ABCB1: variants seen among roughly 807,000 people sequenced by gnomAD.
ABCB1 encodes the protein ATP-dependent translocase ABCB1.
Under a neutral mutation model 142.0 loss-of-function variants are expected in ABCB1, and 69 were observed. The observed-to-expected ratio is 0.49, with a 90% CI of 0.40 to 0.59. The LOEUF (loss-of-function observed/expected upper bound fraction) is 0.59. Among genes scored for constraint, ABCB1 ranks in the 20% least tolerant of loss-of-function variants. The pLI, the probability that ABCB1 is intolerant of heterozygous loss-of-function variation, is 0.00. For synonymous variants in ABCB1, 532 were observed against 539.2 expected (o/e 0.99, Z 0.18); for missense variants, 1,326 against 1,554.7 (o/e 0.85, Z 2.47).
intron 23 of ABCB1, 63 bp downstream of exon 23, chr7:87,519,263 C>T: frequency 6.7e-7 from 1 of 1,494,640 alleles, no homozygotes; most frequent in Non-Finnish European, 9.3e-7. Flanking sequence ...CCTATCTAGA[C>T]ATGAAGCATG....
chr7:87,538,320 C>G (rs1376464032), intron 19 of ABCB1, among the ~76,000 whole-genome samples: 3 of 152,188 alleles, frequency 2.0e-5, no homozygotes, highest in Non-Finnish European at 4.4e-5. Flanking sequence ...TCCCATCAAA[C>G]TGTGCTCTCT....
rs904262724 is a variant in ABCB1 at position 87,628,100 on chromosome 7, C to G, written c.-330-27022G>C. ...GGCAGCCACGCAAATAGGTATCAGC[C>G]GTTAAAGCTTGGCTACAGGCAAGGG... On this transcript the variant is annotated intron_variant, in intron 1 of 28. Transcript: ENST00000265724. Among the ~76,000 whole-genome samples, 4 of 152,198 alleles carry G rather than the reference C, an allele frequency of 2.6e-5. No homozygotes were observed. The East Asian group carries it at 5.8e-4, about 22-fold the overall frequency.
intron 4 of ABCB1, among the ~76,000 whole-genome samples, chr7:87,572,335 A>G (rs1324289630): frequency 6.6e-6 from 1 of 152,186 alleles, no homozygotes; most frequent in Non-Finnish European, 1.5e-5. Flanking sequence ...ATTTAAATAA[A>G]TGTTCTTCAG....
chr7:87,551,244 T>A (rs28746508), intron 9 of ABCB1, among the ~76,000 whole-genome samples: 1 of 152,232 alleles, frequency 6.6e-6, no homozygotes, highest in Non-Finnish European at 1.5e-5. Flanking sequence ...CCTGGTCTCC[T>A]GGCCTCAAGC....
At chr7:87,576,765 T>G in intron 4 of ABCB1, among the ~76,000 whole-genome samples, 1 of 151,978 alleles carries the variant, frequency 6.6e-6, no homozygotes, top group East Asian at 1.9e-4. Context: ...AATTTTAATT[T>G]ATTTTTAATT....
At chr7:87,608,596 T>G (rs764817942) in intron 1 of ABCB1, among the ~76,000 whole-genome samples, 1 of 152,166 alleles carries the variant, frequency 6.6e-6, no homozygotes, top group Non-Finnish European at 1.5e-5. Flanking sequence ...ATTCCTGACA[T>G]AAAAATAACA....
Position 87,516,657 on chromosome 7 carries a change from G to A in ABCB1, c.2936C>T (p.Ser979Leu). The A allele has an allele frequency of 6.2e-7, 1 of 1,604,362 alleles. No individual in the cohort carries two copies. The highest frequency in any genetic ancestry group is 1.7e-5 in the Admixed American group (1 of 59,418). ...MSFEDVLLVF[S>L]AVVFGAMAVG... ...GGCCATGGCACCAAAGACAACAGCTGAAAATACTCTGGAAAGCACAAACAC... is the reference window on the plus strand; with the variant it reads ...GGCCATGGCACCAAAGACAACAGCTAAAAATACTCTGGAAAGCACAAACAC... Residue 979 changes from serine to leucine, a missense_variant, in exon 24 of 28, where the codon TCA becomes TTA. Coordinates refer to ENST00000622132, the MANE Select transcript of ABCB1 (RefSeq NM_001348946.2).
chr7:87,633,248 T>G (rs1341958207), intron 1 of ABCB1, among the ~76,000 whole-genome samples: 2 of 152,248 alleles, frequency 1.3e-5, no homozygotes, highest in Non-Finnish European at 2.9e-5. Flanking sequence ...ATAACTGAAA[T>G]TTATTTAAGC....
chr7:87,702,135 T>A (rs1829116220), intron 1 of ABCB1, among the ~76,000 whole-genome samples: 1 of 84,242 alleles, frequency 1.2e-5, no homozygotes, highest in Non-Finnish European at 1.9e-5. Context: ...AGAGCGAGAC[T>A]CTGTCTCAAA....
chr7:87,581,368 C>A (rs573979601), intron 4 of ABCB1, among the ~76,000 whole-genome samples: 1 of 152,050 alleles, frequency 6.6e-6, no homozygotes, highest in Non-Finnish European at 1.5e-5. Context: ...AAACCACAAT[C>A]GCCTTTATCT....
At chr7:87,566,681 C>T (rs1045540897) in intron 6 of ABCB1, 104 bp downstream of exon 6, 1 of 1,189,136 alleles carries the variant, frequency 8.4e-7, no homozygotes, top group Non-Finnish European at 1.2e-6. Flanking sequence ...TCATAAGTAC[C>T]TTTGAATGAT....
rs376357283 is a variant in ABCB1 at position 87,596,150 on chromosome 7, C to G, written c.69-336G>C. Among the ~76,000 whole-genome samples the G allele has an allele frequency of 7.2e-5, 11 of 151,960 alleles. No homozygotes were observed. In the South Asian group the frequency reaches 2.1e-3, roughly 29 times the overall value. Reference sequence around the variant, plus strand: ...AAAAATATACATACTGAAAAGAGTTCCCTGTTTTTATTCTAATTAGAAAAT... The same window carrying G: ...AAAAATATACATACTGAAAAGAGTTGCCTGTTTTTATTCTAATTAGAAAAT... On this transcript the variant is annotated intron_variant, in intron 2 of 27. Transcript: ENST00000622132.
intron 1 of ABCB1, among the ~76,000 whole-genome samples, chr7:87,622,698 G>A (rs1334417822): frequency 1.3e-5 from 2 of 152,040 alleles, no homozygotes; most frequent in Non-Finnish European, 1.5e-5. Flanking sequence ...CTTATCTGGA[G>A]TTACTTTCTC....
At chr7:87,669,272 C>A (rs1825593944) in intron 1 of ABCB1, among the ~76,000 whole-genome samples, 1 of 151,896 alleles carries the variant, frequency 6.6e-6, no homozygotes, top group African/African-American at 2.4e-5. Flanking sequence ...TTTGAAATCT[C>A]TTTTGTCTGA....
chr7:87,610,396 CTT>C (rs766581770), intron 1 of ABCB1, among the ~76,000 whole-genome samples: 37 of 73,786 alleles, frequency 5.0e-4, no homozygotes, highest in African/African-American at 2.6e-3. Context: ...CACACCTGGC[CTT>C]TTTTTTTTTT....
intron 20 of ABCB1, among the ~76,000 whole-genome samples, chr7:87,533,330 C>G (rs1435503621): frequency 1.3e-5 from 2 of 152,098 alleles, no homozygotes; most frequent in Non-Finnish European, 2.9e-5. Flanking sequence ...AGAATATCAC[C>G]TAGAATCACT....
At chr7:87,583,174 GA>G (rs1818591632) in intron 4 of ABCB1, among the ~76,000 whole-genome samples, 1 of 152,158 alleles carries the variant, frequency 6.6e-6, no homozygotes, top group Non-Finnish European at 1.5e-5. Context: ...AATATTTGTT[GA>G]GTACTTCTTA....
intron 20 of ABCB1, among the ~76,000 whole-genome samples, chr7:87,534,015 A>T (rs1816175478): frequency 2.0e-5 from 3 of 152,214 alleles, no homozygotes; most frequent in Admixed American, 2.0e-4. Context: ...CCCAGCAGGC[A>T]ATTAGAGACA....
intron 23 of ABCB1, 133 bp from the exon 24 acceptor site, chr7:87,516,798 GCAAT>G: frequency 1.1e-6 from 1 of 881,002 alleles, no homozygotes. Flanking sequence ...GTGCAGTAGT[GCAAT>G]CAGAGCTCAC....
Sources: gnomAD v4.1 joint callset for allele counts (sites outside exome capture counted in the v4.1 genomes callset) on GRCh38, gnomAD v4.1.1 for gene constraint, MANE v1.5 for transcripts, NCBI Gene and HGNC (gene_info 2026-07-23, HGNC 2026-07-21) for gene names.